The following NGF variants were observed in gnomAD, a reference collection of about 807,000 sequenced individuals.
NGF encodes beta-nerve growth factor.
A neutral mutation model predicts 12.8 loss-of-function variants in NGF; 4 were observed. The observed-to-expected ratio is 0.31, with a 90% CI of 0.15 to 0.72. The LOEUF (loss-of-function observed/expected upper bound fraction) is 0.72. NGF is among the 30% of genes least tolerant of loss of function. The probability of loss-of-function intolerance (pLI) is 0.69; values close to 1 mark genes in which losing one functional copy is unlikely to be tolerated. For synonymous variants in NGF, 140 were observed against 130.0 expected (o/e 1.08, Z -0.52); for missense variants, 283 against 330.8 (o/e 0.86, Z 1.12).
chr1:115,319,991 T>A (rs954475681), intron 1 of NGF, among the ~76,000 whole-genome samples: 5 of 152,160 alleles, frequency 3.3e-5, no homozygotes, highest in Non-Finnish European at 7.3e-5. Context: ...TGGTATTAAC[T>A]CATGCGGACG....
intron 1 of NGF, among the ~76,000 whole-genome samples, chr1:115,321,481 G>T (rs745802181): frequency 2.0e-5 from 3 of 151,904 alleles, no homozygotes; most frequent in Admixed American, 6.6e-5. Context: ...TCAACACTAG[G>T]ATTCTATGGA....
chr1:115,307,974 A>G (rs1287886400), intron 1 of NGF, among the ~76,000 whole-genome samples: 1 of 152,264 alleles, frequency 6.6e-6, no homozygotes, highest in African/African-American at 2.4e-5. Flanking sequence ...TAGAAAGGAC[A>G]CAAGGACAAC....
At position 115,324,626 on chromosome 1, in the gene NGF, A is replaced by G. The variant is rs367984196; in HGVS notation, c.-137+13578T>C. On this transcript the variant is annotated intron_variant, in intron 1 of 2. Coordinates refer to ENST00000369512, the MANE Select transcript of NGF (RefSeq NM_002506.3). ...TGGGTCTCTGTCCTATCACAGATTAAAATCCACAGCTGTCTCTACAAGAGG... is the reference window on the plus strand; with the variant it reads ...TGGGTCTCTGTCCTATCACAGATTAGAATCCACAGCTGTCTCTACAAGAGG... 2.3e-3 allele frequency among the ~76,000 whole-genome samples: 352 copies of G among 152,228 alleles called. 18 individuals are homozygous for G. In the South Asian group the frequency reaches 0.072, roughly 31 times the overall value.
chr1:115,312,232 G>A (rs1364537148), intron 1 of NGF, among the ~76,000 whole-genome samples: 3 of 152,128 alleles, frequency 2.0e-5, no homozygotes, highest in Non-Finnish European at 2.9e-5. Context: ...CCGTAATTTT[G>A]TAGGCACAAG....
At chr1:115,315,410 G>T (rs1485645713) in intron 1 of NGF, among the ~76,000 whole-genome samples, 1 of 152,106 alleles carries the variant, frequency 6.6e-6, no homozygotes, top group Non-Finnish European at 1.5e-5. Context: ...ATATATTGGA[G>T]GAATAGGGTC....
intron 1 of NGF, among the ~76,000 whole-genome samples, chr1:115,304,749 G>C (rs769845421): frequency 1.3e-5 from 2 of 152,194 alleles, no homozygotes; most frequent in Non-Finnish European, 2.9e-5. Flanking sequence ...ACTTGTAAGA[G>C]AGGAGTTCTG....
At position 115,291,782 on chromosome 1, in the gene NGF, G is replaced by A. The variant is rs183107985; in HGVS notation, c.-13+1845C>T. Among the ~76,000 whole-genome samples the A allele has an allele frequency of 2.1e-3, 319 of 152,342 alleles. 2 individuals are homozygous for A. Among genetic ancestry groups the A allele is most frequent in the South Asian group, 0.014 (70 of 4,830 alleles). ...GAATAGGTGATGGAGCTGCTGAACA[G>A]AGCTAAGCAACTGGCCCAAATATTT... On this transcript the variant is annotated intron_variant, in intron 2 of 2. Coordinates refer to ENST00000369512, the MANE Select transcript of NGF (RefSeq NM_002506.3).
rs564037666 is a variant in NGF, at chr1:115,314,345, CCT to C, written c.-136-20597_-136-20596del. On this transcript the variant is annotated intron_variant, in intron 1 of 2. Transcript: ENST00000369512. The stretch of plus-strand genomic sequence containing the variant: ...ACAGCTCTGACTGGGATTGCACCTC[CCT>C]GTTTTCCTCATCACACAAAGCTCTA... Among the ~76,000 whole-genome samples the C allele has an allele frequency of 6.6e-5, 10 of 152,310 alleles. No homozygotes were observed. The South Asian group carries it at 1.9e-3, about 28-fold the overall frequency.
intron 1 of NGF, among the ~76,000 whole-genome samples, chr1:115,333,760 C>T (rs796631090): frequency 1.5e-5 from 2 of 131,554 alleles, no homozygotes; most frequent in African/African-American, 2.9e-5. Flanking sequence ...CTCCCTCCCC[C>T]CTCTCTCTCT....
At chr1:115,333,681 C>CT (rs748285952) in intron 1 of NGF, among the ~76,000 whole-genome samples, 75 of 61,706 alleles carry the variant, frequency 1.2e-3, no homozygotes, top group Middle Eastern at 0.011. Flanking sequence ...TTCTTTCTTT[C>CT]TTTCTTTCTT....
chr1:115,286,787 C>T lies in NGF; in HGVS notation c.9G>A (p.Met3Ile). The T allele has an allele frequency of 6.2e-7, 1 of 1,614,170 alleles. No individual in the cohort carries two copies. The highest frequency in any genetic ancestry group is 8.5e-7 in the Non-Finnish European group (1 of 1,180,052). Residue 3 changes from methionine (M) to isoleucine (I), a missense_variant, in exon 3 of 3, where the codon ATG (methionine) becomes ATA (isoleucine). By Grantham distance (10) the Met-to-Ile change is conservative. This residue lies in a region of NGF where 151 missense variants were observed against 141.6 expected (regional missense o/e 1.07). Coordinates refer to ENST00000369512, the MANE Select transcript of NGF (RefSeq NM_002506.3). MSMLFYTLITAFL... is the reference protein window; with the variant it reads MSILFYTLITAFL... ...AAGCTGTGATCAGAGTGTAGAACAA[C>T]ATGGACATTACGCTATGCACCTGGA...
intron 1 of NGF, among the ~76,000 whole-genome samples, chr1:115,323,760 T>C (rs1444222902): frequency 6.6e-6 from 1 of 152,190 alleles, no homozygotes; most frequent in Non-Finnish European, 1.5e-5. Flanking sequence ...ACTAATAAAA[T>C]GAGGTGTTGG....
intron 1 of NGF, among the ~76,000 whole-genome samples, chr1:115,334,808 C>A (rs564342160): frequency 1.3e-5 from 2 of 152,226 alleles, no homozygotes; most frequent in African/African-American, 4.8e-5. Context: ...CACACTTAAC[C>A]AAGAATTGTC....
intron 1 of NGF, among the ~76,000 whole-genome samples, chr1:115,323,608 A>G (rs187264147): frequency 6.6e-6 from 1 of 152,298 alleles, no homozygotes; most frequent in East Asian, 1.9e-4. Flanking sequence ...GGCTAAATTA[A>G]ACATGAGGGT....
intron 1 of NGF, among the ~76,000 whole-genome samples, chr1:115,335,528 AG>A (rs1655087119): frequency 6.6e-6 from 1 of 152,234 alleles, no homozygotes; most frequent in Non-Finnish European, 1.5e-5. Context: ...TCTGTGTCAC[AG>A]AAAGGTGTTT....
intron 2 of NGF, among the ~76,000 whole-genome samples, chr1:115,288,992 A>G (rs776603915): frequency 2.2e-4 from 34 of 152,330 alleles, no homozygotes; most frequent in Non-Finnish European, 4.1e-4. Flanking sequence ...GTGAGATACC[A>G]AGAAGGAAAT....
rs187337415 is a variant in NGF, at chr1:115,334,410, A to G, written c.-137+3794T>C. On this transcript the variant is annotated intron_variant, in intron 1 of 2. Transcript: ENST00000369512. ...CAGAGTAGGAAGCTGCCATGCTCTA[A>G]TAGCACCTGTCCCTTCACCTTACTC... Among the ~76,000 whole-genome samples the G allele has an allele frequency of 4.4e-3, 672 of 152,242 alleles. 5 individuals carry two copies. Among genetic ancestry groups the G allele is most frequent in the African/African-American group, 0.015 (637 of 41,550 alleles).
intron 1 of NGF, among the ~76,000 whole-genome samples, chr1:115,320,220 T>A (rs780564502): frequency 6.6e-6 from 1 of 152,172 alleles, no homozygotes; most frequent in Admixed American, 6.5e-5. Flanking sequence ...AGGGGATATG[T>A]TCCAAGACCC....
chr1:115,333,669 CTT>C (rs1331061592), intron 1 of NGF, among the ~76,000 whole-genome samples: 7 of 55,232 alleles, frequency 1.3e-4, no homozygotes, highest in African/African-American at 4.5e-4. Flanking sequence ...TTCTTTCTTT[CTT>C]TCTTTCTTTC....
Sources: allele counts gnomAD v4.1 joint callset (sites outside exome capture counted in the v4.1 genomes callset), GRCh38; gene constraint gnomAD v4.1.1; regional missense constraint gnomAD v4.1.1; transcripts MANE v1.5; gene names NCBI Gene and HGNC (gene_info 2026-07-23, HGNC 2026-07-21).